Variants in HERC2 observed in about 807,000 individuals in gnomAD.
HERC2 encodes HECT and RLD domain containing E3 ubiquitin protein ligase 2, also known as E3 ubiquitin-protein ligase HERC2.
In HERC2, 102 loss-of-function variants were observed where a neutral mutation model predicts 537.7. The ratio of observed to expected loss-of-function variants is 0.19; its 90% CI spans 0.16 to 0.22. HERC2 has a LOEUF of 0.22. Among genes scored for constraint, HERC2 ranks in the 10% least tolerant of loss-of-function variants. The probability of loss-of-function intolerance (pLI) is 1.00; values close to 1 mark genes in which losing one functional copy is unlikely to be tolerated. For missense variants in HERC2, 4,236 were observed against 6,198.2 expected (o/e 0.68, Z 10.63); for synonymous variants, 2,224 against 2,466.2 (o/e 0.90, Z 2.91).
intron 55 of HERC2, among the ~76,000 whole-genome samples, chr15:28,187,599 C>G (rs998103257): frequency 1.3e-5 from 2 of 152,188 alleles, no homozygotes; most frequent in African/African-American, 4.8e-5. Flanking sequence ...TCCCAAAGTA[C>G]TGGGATTACA....
intron 7 of HERC2, 80 bp from the exon 8 acceptor site, chr15:28,273,084 T>C (rs910668393): frequency 6.3e-6 from 6 of 952,306 alleles, no homozygotes; most frequent in South Asian, 1.3e-5. Flanking sequence ...ACACATTTAC[T>C]ACACGCTCCC....
At chr15:28,279,705 C>A (rs1192975208) in intron 5 of HERC2, among the ~76,000 whole-genome samples, 1 of 151,906 alleles carries the variant, frequency 6.6e-6, no homozygotes, top group Non-Finnish European at 1.5e-5. Context: ...CCCAGCTACT[C>A]AGGTGGCTGA....
chr15:28,192,055 A>G lies in HERC2; in HGVS notation c.8357T>C (p.Val2786Ala). 1.9e-6 allele frequency: 3 copies of G among 1,613,988 alleles called. No homozygotes were observed. The highest frequency in any genetic ancestry group is 2.5e-6 in the Non-Finnish European group (3 of 1,180,028). The change falls in exon 53 of 93, where the codon GTG becomes GCG. Residue 2786 changes from valine to alanine, a missense_variant. By Grantham distance (64) the Val-to-Ala change is moderately conservative. Around this residue, in one of 27 missense-constraint regions of HERC2, gnomAD observed 606 missense variants for 884.5 expected, o/e 0.69. Transcript: ENST00000261609. ...GGAGGACGACACATTCAGGCTCTTC[A>G]CCATGCGGGACCAGCTGTCCAGCAG... ...GMLLDSWSRM[V>A]KSLNVSSSVN...
At chr15:28,154,712 C>A (rs530082855) in intron 69 of HERC2, among the ~76,000 whole-genome samples, 12 of 152,306 alleles carry the variant, frequency 7.9e-5, no homozygotes, top group Admixed American at 3.3e-4. Context: ...AACCCCTACC[C>A]TCTCTACTGA....
At chr15:28,121,139 T>C (rs1325421974) in intron 86 of HERC2, among the ~76,000 whole-genome samples, 1 of 152,202 alleles carries the variant, frequency 6.6e-6, no homozygotes, top group Non-Finnish European at 1.5e-5. Context: ...TAAATCTTCA[T>C]TACTTCTGTA....
Position 28,238,072 on chromosome 15 carries a change from T to C in HERC2, c.3852+42A>G, listed in dbSNP as rs748910309. 7 of 1,067,120 alleles carry C rather than the reference T, an allele frequency of 6.6e-6. No homozygotes were observed. In the Admixed American group the frequency reaches 6.7e-5, roughly 10 times the overall value. The allele number at this position is 1,067,120 out of a possible 1,614,324, so 66.1% of individuals were successfully genotyped here. A position where few individuals can be genotyped will look rare whatever the true frequency, so the allele number is the denominator to read the frequency against. On this transcript the variant is annotated intron_variant, in intron 25 of 92. Coordinates refer to ENST00000261609, the MANE Select transcript of HERC2 (RefSeq NM_004667.6). The stretch of plus-strand genomic sequence containing the variant: ...TCCTATCACAAACACACAGAGGGTA[T>C]CCCCTGCCATCCTCTGCATCACTCA...
chr15:28,138,153 C>T (rs963636349), intron 78 of HERC2, among the ~76,000 whole-genome samples: 16 of 152,204 alleles, frequency 1.1e-4, no homozygotes, highest in Admixed American at 2.0e-4. Context: ...TAAGGAAAGA[C>T]GCCGTCTTCA....
In HERC2 at chr15:28,264,533, G is replaced by A. The variant is rs1401284133; in HGVS notation, c.1870+1085C>T. ...GTAGGATACTTCTACTGTAACAGTC[G>A]CCTCAGAAAATATATAGCAGCACAG... On this transcript the variant is annotated intron_variant, in intron 14 of 92. Transcript: ENST00000261609. Among the ~76,000 whole-genome samples the A allele has an allele frequency of 2.6e-5, 4 of 152,242 alleles. No homozygotes were observed. The South Asian group carries it at 6.2e-4, about 24-fold the overall frequency.
intron 72 of HERC2, 112 bp from the exon 73 acceptor site, chr15:28,144,347 C>T (rs1891520062): frequency 5.2e-6 from 6 of 1,144,540 alleles, no homozygotes; most frequent in Non-Finnish European, 6.2e-6. Flanking sequence ...CAGAAGGCAA[C>T]AGCTGGTGTG....
In HERC2 at chr15:28,254,568, T is replaced by C. The variant is rs373062724; in HGVS notation, c.2872-50A>G. On this transcript the variant is annotated intron_variant, in intron 19 of 92. Coordinates refer to ENST00000261609, the MANE Select transcript of HERC2 (RefSeq NM_004667.6). ...TTACAAGTGATCTCATTACCAGGTG[T>C]GAAGACACACAGGCTGGCTGAGCCC... 1.8e-4 allele frequency: 246 copies of C among 1,330,188 alleles called. 2 individuals are homozygous for C. The highest frequency in any genetic ancestry group is 1.6e-3 in the East Asian group (66 of 41,704). 82.4% of individuals were successfully genotyped at this position (1,330,188 alleles called of 1,614,324 possible). A position where few individuals can be genotyped will look rare whatever the true frequency, so the allele number is the denominator to read the frequency against.
At position 28,154,211 on chromosome 15, in the gene HERC2, A is replaced by G. The variant is rs1206629428; in HGVS notation, c.10747-1381T>C. The stretch of plus-strand genomic sequence containing the variant: ...ATAAAACTCTTCTAATGCCCATTCT[A>G]TACTTTTTAGAAATAGATTATTCTT... On this transcript the variant is annotated intron_variant, in intron 69 of 92. Coordinates refer to ENST00000261609, the MANE Select transcript of HERC2 (RefSeq NM_004667.6). 2.6e-5 allele frequency among the ~76,000 whole-genome samples: 4 copies of G among 152,248 alleles called. No individual in the cohort carries two copies. The South Asian group carries it at 6.2e-4, about 24-fold the overall frequency.
chr15:28,186,938 A>C (rs1896365010), intron 55 of HERC2, among the ~76,000 whole-genome samples, 186 bp from the exon 56 acceptor site: 1 of 152,174 alleles, frequency 6.6e-6, no homozygotes, highest in Non-Finnish European at 1.5e-5. Flanking sequence ...TTTACTTCAA[A>C]AGAAGTGGTC....
chr15:28,171,961 G>A (rs761413869), intron 65 of HERC2, among the ~76,000 whole-genome samples: 2 of 149,202 alleles, frequency 1.3e-5, no homozygotes, highest in Non-Finnish European at 2.9e-5. Context: ...TGTGGTCCCA[G>A]CAACTTGGGA....
At chr15:28,118,826 T>C (rs1888562501) in intron 86 of HERC2, among the ~76,000 whole-genome samples, 1 of 152,228 alleles carries the variant, frequency 6.6e-6, no homozygotes, top group Non-Finnish European at 1.5e-5. Context: ...TTTCTACATC[T>C]GTAGAAAATT....
chr15:28,182,543 A>G, intron 56 of HERC2, 31 bp from the exon 57 acceptor site: 1 of 1,491,090 alleles, frequency 6.7e-7, no homozygotes, highest in Non-Finnish European at 9.3e-7. Flanking sequence ...AAGAAAAAGA[A>G]AAGAGAGGTT....
Position 28,144,669 on chromosome 15 carries a change from T to G in HERC2, c.11140+4A>C. On this transcript the variant is annotated splice_donor_region_variant and intron_variant, in intron 72 of 92. Coordinates refer to ENST00000261609, the MANE Select transcript of HERC2 (RefSeq NM_004667.6). Reference sequence around the variant, plus strand: ...ACCTTGATCGCCATAAGCCCCTTCCTTACCAGCAGCTGGCATGATGGGATA... The same window carrying G: ...ACCTTGATCGCCATAAGCCCCTTCCGTACCAGCAGCTGGCATGATGGGATA... 1 of 1,614,194 alleles carries G rather than the reference T, an allele frequency of 6.2e-7. No individual in the cohort carries two copies. Among genetic ancestry groups the G allele is most frequent in the Non-Finnish European group, 8.5e-7 (1 of 1,180,032 alleles).
In HERC2 at chr15:28,125,019, T is replaced by C; in HGVS notation, c.12977A>G (p.Lys4326Arg). The C allele has an allele frequency of 6.2e-7, 1 of 1,601,370 alleles. No individual in the cohort carries two copies. Among genetic ancestry groups the C allele is most frequent in the Non-Finnish European group, 8.6e-7 (1 of 1,169,280 alleles). ...WSTSKPASAG[K>R]LPAQVPMEYN... ...GCCCGGACTCACCTGTGCAGGGAGTTTGCCAGCACTGGCGGGCTTGCTGGT... is the reference window on the plus strand; with the variant it reads ...GCCCGGACTCACCTGTGCAGGGAGTCTGCCAGCACTGGCGGGCTTGCTGGT... Residue 4326 changes from lysine (K) to arginine (R), a missense_variant, in exon 84 of 93, where the codon AAA (lysine) becomes AGA (arginine). This residue lies in a region of HERC2 where 189 missense variants were observed against 255.7 expected (regional missense o/e 0.74). Coordinates refer to ENST00000261609, the MANE Select transcript of HERC2 (RefSeq NM_004667.6).
At chr15:28,316,257 ATCAAAGTCCTACGGCTAAACC>A (rs2077082833) in intron 2 of HERC2, among the ~76,000 whole-genome samples, 1 of 141,444 alleles carries the variant, frequency 7.1e-6, no homozygotes, top group African/African-American at 3.0e-5. Flanking sequence ...AGGAATTGTC[ATCAAAGTCCTACGGCTAAACC>A]CTTTTCCTTT....
chr15:28,239,006 G>A (rs1273033576), intron 23 of HERC2, among the ~76,000 whole-genome samples: 2 of 152,150 alleles, frequency 1.3e-5, no homozygotes, highest in African/African-American at 4.8e-5. Flanking sequence ...AGGCCACAGA[G>A]CAAATCTCAA....
Sources: allele counts gnomAD v4.1 joint callset (sites outside exome capture counted in the v4.1 genomes callset), GRCh38; gene constraint gnomAD v4.1.1; regional missense constraint gnomAD v4.1.1; transcripts MANE v1.5; gene names NCBI Gene and HGNC (gene_info 2026-07-23, HGNC 2026-07-21).